ALDH18A1: variants seen among roughly 807,000 people sequenced by gnomAD.
The protein encoded by ALDH18A1 is aldehyde dehydrogenase 18 family member A1.
A neutral mutation model predicts 88.8 loss-of-function variants in ALDH18A1; 44 were observed. That is an observed-to-expected ratio of 0.50 (90% CI 0.39 to 0.64). ALDH18A1 has a LOEUF of 0.64. ALDH18A1 is among the 30% of genes least tolerant of loss of function. The pLI is 0.00. For synonymous variants in ALDH18A1, 331 were observed against 372.1 expected (o/e 0.89, Z 1.27); for missense variants, 782 against 1,009.5 (o/e 0.77, Z 3.05).
chr10:95,635,439 C>T (rs956984045), intron 5 of ALDH18A1, among the ~76,000 whole-genome samples: 6 of 152,068 alleles, frequency 3.9e-5, no homozygotes, highest in African/African-American at 7.2e-5. Flanking sequence ...TTTAGACAAG[C>T]GCAATCTGTT....
intron 11 of ALDH18A1, among the ~76,000 whole-genome samples, chr10:95,624,096 C>CA (rs1400786472): frequency 6.6e-6 from 1 of 151,940 alleles, no homozygotes. Flanking sequence ...CTTGGCCTCT[C>CA]AAAGTGCTGG....
At chr10:95,622,958 A>G (rs2097855218) in intron 11 of ALDH18A1, among the ~76,000 whole-genome samples, 2 of 152,168 alleles carry the variant, frequency 1.3e-5, no homozygotes, top group African/African-American at 4.8e-5. Context: ...GAAATCATAT[A>G]TCACAAATCA....
chr10:95,612,113 C>T (rs1483426189), intron 15 of ALDH18A1, among the ~76,000 whole-genome samples: 1 of 152,216 alleles, frequency 6.6e-6, no homozygotes, highest in Non-Finnish European at 1.5e-5. Flanking sequence ...GCACTAGACT[C>T]GTGTGGAAAA....
intron 2 of ALDH18A1, among the ~76,000 whole-genome samples, chr10:95,651,466 G>A (rs1239596668): frequency 1.3e-5 from 2 of 152,150 alleles, no homozygotes; most frequent in Non-Finnish European, 2.9e-5. Flanking sequence ...AATACCTGAG[G>A]CTAGGTAATT....
At chr10:95,619,878 G>A (rs2097849526) in intron 12 of ALDH18A1, among the ~76,000 whole-genome samples, 1 of 152,168 alleles carries the variant, frequency 6.6e-6, no homozygotes, top group Non-Finnish European at 1.5e-5. Flanking sequence ...ATAGGCATGG[G>A]CAAGGACTTC....
intron 10 of ALDH18A1, among the ~76,000 whole-genome samples, chr10:95,625,746 G>T (rs1281436372): frequency 1.3e-5 from 2 of 148,598 alleles, no homozygotes; most frequent in Non-Finnish European, 3.0e-5. Flanking sequence ...TAATAATCAG[G>T]AGTCATAAGA....
chr10:95,637,297 A>G lies in ALDH18A1; in HGVS notation c.443T>C (p.Leu148Pro). Residue 148 changes from leucine (L) to proline (P), a missense_variant, in exon 4 of 18, where the codon CTG becomes CCG. Coordinates refer to ENST00000371224, the MANE Select transcript of ALDH18A1 (RefSeq NM_002860.4). ...GGAAGCAGCACTCACCATTTCTTTC[A>G]GCTGGTTCTGCCCCGAGTGGAGGGC... ...RQALHSGQNQ[L>P]KEMAIPVLEA... is the part of the protein sequence containing the mutation. The G allele has an allele frequency of 6.2e-7, 1 of 1,614,220 alleles. No homozygotes were observed. Among genetic ancestry groups the G allele is most frequent in the Non-Finnish European group, 8.5e-7 (1 of 1,180,040 alleles).
intron 3 of ALDH18A1, among the ~76,000 whole-genome samples, chr10:95,641,200 C>T (rs781601456): frequency 6.6e-6 from 1 of 152,114 alleles, no homozygotes; most frequent in Non-Finnish European, 1.5e-5. Flanking sequence ...TTCCAGCTCT[C>T]CTAGGAAGCC....
At chr10:95,626,961 C>A (rs2097861321) in intron 9 of ALDH18A1, among the ~76,000 whole-genome samples, 185 bp from the exon 10 acceptor site, 2 of 152,146 alleles carry the variant, frequency 1.3e-5, no homozygotes, top group Non-Finnish European at 2.9e-5. Flanking sequence ...AAAGAATGTG[C>A]CAGATTCACT....
intron 10 of ALDH18A1, among the ~76,000 whole-genome samples, chr10:95,625,699 C>T (rs1198730127): frequency 4.0e-5 from 6 of 148,992 alleles, no homozygotes; most frequent in Admixed American, 2.0e-4. Context: ...TTTCTTATGA[C>T]TCCTGATTAT....
intron 2 of ALDH18A1, among the ~76,000 whole-genome samples, chr10:95,649,899 A>G (rs71482368): frequency 6.6e-6 from 1 of 150,396 alleles, no homozygotes; most frequent in African/African-American, 2.4e-5. Context: ...AAAAAAAAAA[A>G]CAAAGAAAAA....
At chr10:95,609,769 A>AGTTTTTTTTTTTT (rs2097829713) in intron 17 of ALDH18A1, among the ~76,000 whole-genome samples, 1 of 114,266 alleles carries the variant, frequency 8.8e-6, no homozygotes, top group Middle Eastern at 5.0e-3. Context: ...GTCTGTCTCT[A>AGTTTTTTTTTTTT]TTTTTTTTTT....
chr10:95,607,048 C>G lies in ALDH18A1; in HGVS notation c.2207-105G>C, dbSNP rs2097824087. The stretch of plus-strand genomic sequence containing the variant: ...TTCCCCTCACTTGGTACCCTCTCTT[C>G]CTGCTAACTCCTCATCCATCCTCCC... On this transcript the variant is annotated intron_variant, in intron 17 of 17. Transcript: ENST00000371224. 3 of 1,122,980 alleles carry G rather than the reference C, an allele frequency of 2.7e-6. No homozygotes were observed. In the Admixed American group the frequency reaches 5.2e-5, roughly 19 times the overall value. The allele number at this position is 1,122,980 out of a possible 1,614,324, so 69.6% of individuals were successfully genotyped here. A position where few individuals can be genotyped will look rare whatever the true frequency, so the allele number is the denominator to read the frequency against.
intron 7 of ALDH18A1, among the ~76,000 whole-genome samples, chr10:95,630,522 C>G (rs190436565): frequency 6.6e-6 from 1 of 152,148 alleles, no homozygotes; most frequent in Non-Finnish European, 1.5e-5. Flanking sequence ...ACCAGCCTGG[C>G]CAACATGGTG....
At chr10:95,625,176 T>C (rs1278254223) in intron 11 of ALDH18A1, among the ~76,000 whole-genome samples, 186 bp downstream of exon 11, 2 of 152,182 alleles carry the variant, frequency 1.3e-5, no homozygotes, top group Admixed American at 1.3e-4. Context: ...CTGGGGGTTG[T>C]ACTAAAGTAT....
Position 95,626,760 on chromosome 10 carries a change from C to T in ALDH18A1, c.1095G>A (p.Gln365=). ...EVKPAGPTVE[Q]QGEMARSGGR... The stretch of plus-strand genomic sequence containing the variant: ...CTCCAGATCGCGCCATTTCTCCCTG[C>T]TGCTCAACAGTAGGGCCTGCAAGAA... Residue 365 remains glutamine, a synonymous_variant, in exon 10 of 18, where the codon CAG becomes CAA. Coordinates refer to ENST00000371224, the MANE Select transcript of ALDH18A1 (RefSeq NM_002860.4). The T allele has an allele frequency of 3.1e-6, 5 of 1,614,020 alleles. No individual in the cohort carries two copies. In the African/African-American group the frequency reaches 4.0e-5, roughly 13 times the overall value.
At chr10:95,647,333 T>C (rs1345826516) in intron 2 of ALDH18A1, among the ~76,000 whole-genome samples, 1 of 152,294 alleles carries the variant, frequency 6.6e-6, no homozygotes, top group South Asian at 2.1e-4. Context: ...TTCAACCCCT[T>C]CACTTACTTG....
At chr10:95,611,503 G>A (rs377573183) in intron 15 of ALDH18A1, 61 bp from the exon 16 acceptor site, 2 of 1,579,618 alleles carry the variant, frequency 1.3e-6, no homozygotes, top group Non-Finnish European at 1.7e-6. Flanking sequence ...CAAGTTCTAG[G>A]ATAGAACAGA....
intron 15 of ALDH18A1, among the ~76,000 whole-genome samples, chr10:95,611,875 G>A (rs903687153): frequency 4.6e-5 from 7 of 151,922 alleles, no homozygotes; most frequent in Non-Finnish European, 7.4e-5. Flanking sequence ...GTTCAAGCAG[G>A]AGGAGAACTG....
Sources: allele counts gnomAD v4.1 joint callset (sites outside exome capture counted in the v4.1 genomes callset), GRCh38; gene constraint gnomAD v4.1.1; transcripts MANE v1.5; gene names NCBI Gene and HGNC (gene_info 2026-07-23, HGNC 2026-07-21).